Variants in PCBD2 observed in about 807,000 individuals in gnomAD.
PCBD2 encodes the protein pterin-4-alpha-carbinolamine dehydratase 2.
In PCBD2, 12 loss-of-function variants were observed where a neutral mutation model predicts 16.4. The observed-to-expected ratio is 0.73, with a 90% CI of 0.47 to 1.19. The LOEUF is 1.19. Among genes scored for constraint, PCBD2 ranks in the 50% most tolerant of loss-of-function variants. The pLI, the probability that PCBD2 is intolerant of heterozygous loss-of-function variation, is 0.00. For synonymous variants in PCBD2, 58 were observed against 61.8 expected (o/e 0.94, Z 0.29); for missense variants, 138 against 156.8 (o/e 0.88, Z 0.64).
chr5:134,932,224 T>C (rs1401009225), intron 2 of PCBD2, among the ~76,000 whole-genome samples: 1 of 152,148 alleles, frequency 6.6e-6, no homozygotes, highest in African/African-American at 2.4e-5. Context: ...GTTGCTTAGA[T>C]TGGAGTGCAG....
At chr5:134,937,054 G>T (rs1162400147) in intron 2 of PCBD2, among the ~76,000 whole-genome samples, 1 of 152,182 alleles carries the variant, frequency 6.6e-6, no homozygotes, top group Non-Finnish European at 1.5e-5. Flanking sequence ...GCAATGTTTA[G>T]CTTGGTTCTT....
intron 2 of PCBD2, among the ~76,000 whole-genome samples, chr5:134,955,128 A>G (rs1308170831): frequency 1.3e-5 from 2 of 151,128 alleles, no homozygotes; most frequent in African/African-American, 2.4e-5. Flanking sequence ...ACTTTGCTAC[A>G]GTATATATAT....
At chr5:134,955,600 G>T (rs1416864606) in intron 2 of PCBD2, among the ~76,000 whole-genome samples, 2 of 152,128 alleles carry the variant, frequency 1.3e-5, no homozygotes, top group Admixed American at 1.3e-4. Flanking sequence ...GAGCCACCAC[G>T]CCCAGCCAAC....
intron 2 of PCBD2, among the ~76,000 whole-genome samples, chr5:134,948,351 A>G (rs1227958662): frequency 1.3e-5 from 2 of 152,178 alleles, no homozygotes; most frequent in Non-Finnish European, 1.5e-5. Context: ...TCTTTTTGGT[A>G]TACATCAGCT....
In PCBD2 at chr5:134,905,231, C is replaced by T. The variant is rs6892348; in HGVS notation, c.84+8C>T. 26,665 of 1,223,482 alleles carry T rather than the reference C, an allele frequency of 0.022. 1,230 individuals are homozygous for T. The highest frequency in any genetic ancestry group is 0.19 in the African/African-American group (12,078 of 63,924). The allele number at this position is 1,223,482 out of a possible 1,614,324, so 75.8% of individuals were successfully genotyped here. A position where few individuals can be genotyped will look rare whatever the true frequency, so the allele number is the denominator to read the frequency against. On this transcript the variant is annotated splice_region_variant and intron_variant, in intron 1 of 3. Transcript: ENST00000254908. ...CTAGGGCTAGCGGCCATGGTGAGTG[C>T]ACAGCGGCCGCGTGGGTGGGGGTCC... is the stretch of plus-strand genomic sequence containing the variant.
At position 134,910,477 on chromosome 5, in the gene PCBD2, T is replaced by A; in HGVS notation, c.216+11T>A. The A allele has an allele frequency of 6.2e-7, 1 of 1,613,694 alleles. No homozygotes were observed. Among genetic ancestry groups the A allele is most frequent in the Middle Eastern group, 1.6e-4 (1 of 6,062 alleles). ...CACAATTTTAATCAGGTAATTGTTA[T>A]AAATTCTTGCTAGGGCTGTGGTCTA... On this transcript the variant is annotated intron_variant, in intron 2 of 3. Coordinates refer to ENST00000254908, the MANE Select transcript of PCBD2 (RefSeq NM_032151.5).
chr5:134,928,598 G>C, intron 2 of PCBD2: 1 of 201,640 alleles, frequency 5.0e-6, no homozygotes, highest in Non-Finnish European at 9.8e-6. Context: ...ACTTTGGGAG[G>C]CCAAGACAGG....
intron 2 of PCBD2, among the ~76,000 whole-genome samples, chr5:134,957,295 T>G (rs1179086672): frequency 6.6e-6 from 1 of 151,902 alleles, no homozygotes; most frequent in Admixed American, 6.6e-5. Flanking sequence ...ATAGTTAAAT[T>G]GCATGATAAT....
chr5:134,940,555 A>G (rs980605980), intron 2 of PCBD2, among the ~76,000 whole-genome samples: 1 of 152,164 alleles, frequency 6.6e-6, no homozygotes, highest in Non-Finnish European at 1.5e-5. Flanking sequence ...GCTTGAGGTA[A>G]GATTAGGCAG....
chr5:134,909,350 A>G (rs1037060184), intron 1 of PCBD2, among the ~76,000 whole-genome samples: 1 of 152,212 alleles, frequency 6.6e-6, no homozygotes. Context: ...GGACCCCCAG[A>G]AGTTAGATAA....
In PCBD2 at chr5:134,962,021, A is replaced by G. The variant is rs1245456951; in HGVS notation, c.*1340A>G. Among the ~76,000 whole-genome samples, 1 of 151,844 alleles carries G rather than the reference A, an allele frequency of 6.6e-6. No individual in the cohort carries two copies. Among genetic ancestry groups the G allele is most frequent in the African/African-American group, 2.4e-5 (1 of 41,284 alleles). On this transcript the variant is annotated 3_prime_UTR_variant, in exon 4 of 4. Transcript: ENST00000254908. Reference sequence around the variant, plus strand: ...AGCAAGCCTCCCACCTCTGCCTCCCAAAGTCCAAGGATTACAGGTGTGAGC... The same window carrying G: ...AGCAAGCCTCCCACCTCTGCCTCCCGAAGTCCAAGGATTACAGGTGTGAGC...
intron 3 of PCBD2, among the ~76,000 whole-genome samples, chr5:134,960,068 C>T (rs1369880808): frequency 1.3e-5 from 2 of 151,554 alleles, no homozygotes; most frequent in South Asian, 2.1e-4. Flanking sequence ...TTAGTAGATA[C>T]GGGGTTTCAC....
intron 2 of PCBD2, among the ~76,000 whole-genome samples, chr5:134,941,842 G>A (rs1385489172): frequency 6.6e-6 from 1 of 152,026 alleles, no homozygotes; most frequent in African/African-American, 2.4e-5. Context: ...ATGGGGGCTG[G>A]GTGTGGTGGC....
Position 134,929,495 on chromosome 5 carries a change from C to T in PCBD2, c.216+19029C>T, listed in dbSNP as rs571973823. On this transcript the variant is annotated intron_variant, in intron 2 of 3. Transcript: ENST00000254908. ...AGGGGATGCCCATTGGAGGAAGCAG[C>T]ATGGAGGACATCAGTGACCGTAGCA... is the stretch of plus-strand genomic sequence containing the variant. Among the ~76,000 whole-genome samples, 91 of 152,102 alleles carry T rather than the reference C, an allele frequency of 6.0e-4. No homozygotes were observed. In the South Asian group the frequency reaches 0.015, roughly 25 times the overall value.
At chr5:134,906,552 CAAGTT>C (rs1231880125) in intron 1 of PCBD2, among the ~76,000 whole-genome samples, 1 of 152,110 alleles carries the variant, frequency 6.6e-6, no homozygotes, top group Non-Finnish European at 1.5e-5. Flanking sequence ...GGGGAGAACA[CAAGTT>C]GAGTGCCTAC....
chr5:134,920,614 ACT>A (rs1260324170), intron 2 of PCBD2, among the ~76,000 whole-genome samples: 1 of 150,702 alleles, frequency 6.6e-6, no homozygotes, highest in Non-Finnish European at 1.5e-5. Flanking sequence ...GCTGCTAATG[ACT>A]CTGTTTGCTT....
At chr5:134,935,875 G>A (rs749230869) in intron 2 of PCBD2, among the ~76,000 whole-genome samples, 1 of 152,180 alleles carries the variant, frequency 6.6e-6, no homozygotes, top group Non-Finnish European at 1.5e-5. Context: ...AGCCCTGAGT[G>A]GAAATGCCTG....
intron 2 of PCBD2, among the ~76,000 whole-genome samples, chr5:134,929,606 A>G (rs1239366019): frequency 6.6e-6 from 1 of 152,212 alleles, no homozygotes; most frequent in African/African-American, 2.4e-5. Context: ...AGTCTCAGAC[A>G]TTAGTCTGTT....
chr5:134,948,409 A>T (rs1253981075), intron 2 of PCBD2, among the ~76,000 whole-genome samples: 1 of 152,122 alleles, frequency 6.6e-6, no homozygotes, highest in African/African-American at 2.4e-5. Flanking sequence ...ATGAAACAGA[A>T]ATGAAGGGCC....
Sources: gnomAD v4.1 joint callset for allele counts (sites outside exome capture counted in the v4.1 genomes callset) on GRCh38, gnomAD v4.1.1 for gene constraint, MANE v1.5 for transcripts, NCBI Gene and HGNC (gene_info 2026-07-23, HGNC 2026-07-21) for gene names.